Variants in SLC14A2 observed in about 807,000 individuals in gnomAD.
SLC14A2 encodes urea transporter 2.
Under a neutral mutation model 104.6 loss-of-function variants are expected in SLC14A2, and 91 were observed. The ratio of observed to expected loss-of-function variants is 0.87; its 90% CI spans 0.73 to 1.04. The LOEUF (loss-of-function observed/expected upper bound fraction) is 1.04, where lower values mean the gene tolerates loss of function less well. Ranked by LOEUF, SLC14A2 falls within the 50% of genes least tolerant of loss-of-function variation. The pLI is 0.00. For missense variants in SLC14A2, 1,189 were observed against 1,156.0 expected, an observed-to-expected ratio of 1.03 and a Z score of -0.41; for synonymous variants, 476 against 466.4, an observed-to-expected ratio of 1.02 and a Z score of -0.27.
At chr18:45,289,278 G>T (rs2084846109) in intron 1 of SLC14A2, among the ~76,000 whole-genome samples, 1 of 151,976 alleles carries the variant, frequency 6.6e-6, no homozygotes, top group Admixed American at 6.6e-5. Context: ...ATCCCCACCA[G>T]CCCAAGGTGG....
intron 1 of SLC14A2, among the ~76,000 whole-genome samples, chr18:45,401,423 GA>G: frequency 6.6e-6 from 1 of 152,230 alleles, no homozygotes. Flanking sequence ...AAGTAGCCAA[GA>G]AAAAGCAAAG....
intron 1 of SLC14A2, among the ~76,000 whole-genome samples, chr18:45,341,716 C>T (rs1191523769): frequency 2.0e-5 from 3 of 150,738 alleles, no homozygotes; most frequent in Admixed American, 2.0e-4. Context: ...CCTCAGCATC[C>T]CGAGTTGCTG....
intron 1 of SLC14A2, among the ~76,000 whole-genome samples, chr18:45,225,180 G>T (rs1419584708): frequency 1.3e-5 from 2 of 152,088 alleles, no homozygotes; most frequent in Non-Finnish European, 2.9e-5. Flanking sequence ...AAGGTGTAAG[G>T]AAGGGATCCA....
At chr18:45,612,376 T>G (rs1411961158), upstream of SLC14A2, among the ~76,000 whole-genome samples, 1 of 152,200 alleles carries the variant, frequency 6.6e-6, no homozygotes, top group African/African-American at 2.4e-5. Context: ...GCATTTAAAC[T>G]CCTTACCCAT....
Position 45,563,441 on chromosome 18 carries a change from C to T in SLC14A2, c.-34-61190C>T, listed in dbSNP as rs373784294. 1.6e-3 allele frequency among the ~76,000 whole-genome samples: 237 copies of T among 152,330 alleles called. 9 individuals carry two copies. In the South Asian group the frequency reaches 0.047, roughly 30 times the overall value. On this transcript the variant is annotated intron_variant, in intron 2 of 20. Coordinates refer to the SLC14A2 transcript ENST00000586448. Reference sequence around the variant, plus strand: ...ATTCAAAATCCCAAATGCAAAATTACATTCGAAAGTATAATTTTATTGAGA... The same window carrying T: ...ATTCAAAATCCCAAATGCAAAATTATATTCGAAAGTATAATTTTATTGAGA...
chr18:45,668,314 G>A (rs1373434851), intron 14 of SLC14A2, 35 bp from the exon 15 acceptor site: 6 of 1,611,410 alleles, frequency 3.7e-6, no homozygotes, highest in Non-Finnish European at 5.1e-6. Flanking sequence ...CCCTGGGGAA[G>A]CCCCTGCTCC....
At chr18:45,317,647 G>A (rs1053441254) in intron 1 of SLC14A2, among the ~76,000 whole-genome samples, 3 of 152,172 alleles carry the variant, frequency 2.0e-5, no homozygotes, top group African/African-American at 4.8e-5. Flanking sequence ...GAGCCCCGAG[G>A]CAGGAAGAAA....
intron 2 of SLC14A2, among the ~76,000 whole-genome samples, chr18:45,586,657 T>C (rs1243977082): frequency 6.6e-6 from 1 of 152,174 alleles, no homozygotes; most frequent in Non-Finnish European, 1.5e-5. Flanking sequence ...CCCAGCGTAC[T>C]GCAAGCTTGT....
chr18:45,230,667 T>C (rs80246358), intron 1 of SLC14A2, among the ~76,000 whole-genome samples: 1 of 152,220 alleles, frequency 6.6e-6, no homozygotes, highest in African/African-American at 2.4e-5. Flanking sequence ...TGAATGTCTT[T>C]GGGGGCCATT....
At position 45,414,758 on chromosome 18, in the gene SLC14A2, ATATATATATATAT is replaced by A. The variant is rs369746993; in HGVS notation, c.-124-68474_-124-68462del. On this transcript the variant is annotated intron_variant, in intron 1 of 20. Transcript: ENST00000586448. ...GGCACCGAGCGTAAAAAAAAAAAAAATATATATATATATATATATATATATATATATATATATA... is the reference window on the plus strand; with the variant it reads ...GGCACCGAGCGTAAAAAAAAAAAAAAATATATATATATATATATATATATA... Among the ~76,000 whole-genome samples, 271 of 50,084 alleles carry A rather than the reference ATATATATATATAT, an allele frequency of 5.4e-3. 11 individuals are homozygous for A. Among genetic ancestry groups the A allele is most frequent in the East Asian group, 0.015 (18 of 1,180 alleles). The allele number at this position is 50,084 out of a possible 152,430, so 32.9% of individuals were successfully genotyped here.
chr18:45,204,281 A>T, the SLC14A2 span, among the ~76,000 whole-genome samples: 32 of 152,332 alleles, frequency 2.1e-4, no homozygotes, highest in African/African-American at 7.5e-4. Flanking sequence ...CTATCTGTTC[A>T]CATGGGAGAA....
At chr18:45,168,359 C>A in the SLC14A2 span, among the ~76,000 whole-genome samples, 6 of 152,110 alleles carry the variant, frequency 3.9e-5, no homozygotes, top group Non-Finnish European at 8.8e-5. Flanking sequence ...GGCTTTGGAG[C>A]CAGACGTTCG....
chr18:45,508,558 G>T (rs768307803), intron 2 of SLC14A2, among the ~76,000 whole-genome samples: 13 of 152,154 alleles, frequency 8.5e-5, no homozygotes, highest in African/African-American at 1.2e-4. Context: ...TATGTAAATT[G>T]CCCAGTCTCA....
chr18:45,302,640 T>C (rs2084979458), intron 1 of SLC14A2, among the ~76,000 whole-genome samples: 1 of 152,216 alleles, frequency 6.6e-6, no homozygotes, highest in Admixed American at 6.5e-5. Context: ...TCGGGTCTTC[T>C]TTCTATAGCC....
At chr18:45,580,320 T>C (rs1435636762) in intron 2 of SLC14A2, among the ~76,000 whole-genome samples, 2 of 152,214 alleles carry the variant, frequency 1.3e-5, no homozygotes, top group African/African-American at 4.8e-5. Flanking sequence ...GTGGTCATCG[T>C]CAGCAGATCT....
chr18:45,264,910 G>A (rs759473777), intron 1 of SLC14A2, among the ~76,000 whole-genome samples: 1 of 152,130 alleles, frequency 6.6e-6, no homozygotes, highest in Admixed American at 6.6e-5. Flanking sequence ...TGTTCTCTGT[G>A]CTGGCCATAT....
At chr18:45,354,100 T>G (rs1228180053) in intron 1 of SLC14A2, among the ~76,000 whole-genome samples, 1 of 152,138 alleles carries the variant, frequency 6.6e-6, no homozygotes, top group Non-Finnish European at 1.5e-5. Flanking sequence ...TTGACATAAG[T>G]TATAGGGTGA....
At chr18:45,308,562 C>T (rs1236537014) in intron 1 of SLC14A2, among the ~76,000 whole-genome samples, 1 of 152,178 alleles carries the variant, frequency 6.6e-6, no homozygotes, top group East Asian at 1.9e-4. Flanking sequence ...TCCAGCCACT[C>T]GCTTTCCTCC....
upstream of SLC14A2, among the ~76,000 whole-genome samples, chr18:45,612,747 T>C (rs949776411): frequency 9.9e-5 from 15 of 152,118 alleles, no homozygotes; most frequent in African/African-American, 3.6e-4. Context: ...ATCCTCATAT[T>C]CCCCATGTGT....
Sources: allele counts gnomAD v4.1 joint callset (sites outside exome capture counted in the v4.1 genomes callset), GRCh38; gene constraint gnomAD v4.1.1; transcripts MANE v1.5; gene names NCBI Gene and HGNC (gene_info 2026-07-23, HGNC 2026-07-21).